CEP72: variants seen among roughly 807,000 people sequenced by gnomAD.
The protein encoded by CEP72 is centrosomal protein 72.
In CEP72, 78 loss-of-function variants were observed where a neutral mutation model predicts 65.7. That is an observed-to-expected ratio of 1.19 (90% CI 0.99 to 1.43). The LOEUF (loss-of-function observed/expected upper bound fraction) is 1.43. Ranked by LOEUF, CEP72 falls within the 40% of genes most tolerant of loss-of-function variation. CEP72 has a pLI of 0.00. For missense variants in CEP72, 914 were observed against 832.9 expected, an observed-to-expected ratio of 1.10 and a Z score of -1.20; for synonymous variants, 358 against 351.7, an observed-to-expected ratio of 1.02 and a Z score of -0.20.
chr5:618,405 C>T (rs899311630), intron 1 of CEP72, among the ~76,000 whole-genome samples: 1 of 102,046 alleles, frequency 9.8e-6, no homozygotes, highest in African/African-American at 3.6e-5. Context: ...GGGATTTATT[C>T]CACAATAGGA....
chr5:642,380 C>G (rs1019707041), intron 9 of CEP72: 10 of 985,332 alleles, frequency 1.0e-5, no homozygotes, highest in African/African-American at 5.2e-5. Flanking sequence ...TATTTAAACA[C>G]GTGTGGCCCC....
downstream of CEP72, chr5:659,892 T>A (rs975020866): frequency 2.0e-5 from 3 of 152,402 alleles, no homozygotes; most frequent in African/African-American, 7.2e-5. Context: ...TTTGTCACTT[T>A]ACCAACTTGA....
chr5:646,040 C>T (rs992994615), intron 10 of CEP72, among the ~76,000 whole-genome samples: 1 of 150,714 alleles, frequency 6.6e-6, no homozygotes, highest in Non-Finnish European at 1.5e-5. Flanking sequence ...CCTGTGTGGA[C>T]AGTGAATTCG....
downstream of CEP72, among the ~76,000 whole-genome samples, chr5:670,131 C>G (rs1740160324): frequency 6.6e-6 from 1 of 152,186 alleles, no homozygotes; most frequent in African/African-American, 2.4e-5. Context: ...GGGACCCGGC[C>G]TGGGGCCTCC....
intron 7 of CEP72, among the ~76,000 whole-genome samples, chr5:638,176 A>G (rs1370150227): frequency 2.0e-5 from 3 of 152,138 alleles, no homozygotes; most frequent in Non-Finnish European, 4.4e-5. Flanking sequence ...CCCGTGGTGG[A>G]GAGAGGGGAC....
chr5:639,161 T>C lies in CEP72; in HGVS notation c.1279T>C (p.Leu427=). 6.2e-7 allele frequency: 1 copy of C among 1,611,656 alleles called. No individual in the cohort carries two copies. The highest frequency in any genetic ancestry group is 8.5e-7 in the Non-Finnish European group (1 of 1,178,708). The change falls in exon 8 of 12, where the codon TTG becomes CTG. Residue 427 remains leucine (L), a synonymous_variant. Coordinates refer to ENST00000264935, the MANE Select transcript of CEP72 (RefSeq NM_018140.4). ...ALQAALLETL[L]DLVDRSWGGC... ...GCAGGCGGCGCTCCTGGAGACGCTC[T>C]TGGACCTGGTGGACAGGAGCTGGGG...
intron 2 of CEP72, chr5:664,930 G>A (rs1209986502): frequency 5.8e-6 from 4 of 692,796 alleles, no homozygotes; most frequent in Non-Finnish European, 9.5e-6. Flanking sequence ...AGTGCTGGGG[G>A]CATCCGGTAG....
At chr5:656,161 G>C (rs1205366962), downstream of CEP72, among the ~76,000 whole-genome samples, 1 of 152,184 alleles carries the variant, frequency 6.6e-6, no homozygotes, top group African/African-American at 2.4e-5. Context: ...AGTCCCGGCT[G>C]CTGAAGATTC....
intron 7 of CEP72, among the ~76,000 whole-genome samples, chr5:638,534 G>A (rs563903718): frequency 1.3e-5 from 2 of 151,770 alleles, no homozygotes; most frequent in South Asian, 2.1e-4. Flanking sequence ...CATGGCCGGA[G>A]CTAGAGGCAG....
rs1561060561 is a variant in CEP72 at position 648,193 on chromosome 5, CG to C, written c.1778+278del. The stretch of plus-strand genomic sequence containing the variant: ...GAGGTCTGACCATGAGGTGTGACCA[CG>C]AGGCATGGACTGTGAGATGGGACTG... On this transcript the variant is annotated intron_variant, in intron 11 of 11. Coordinates refer to ENST00000264935, the MANE Select transcript of CEP72 (RefSeq NM_018140.4). Among the ~76,000 whole-genome samples, 920 of 151,842 alleles carry C rather than the reference CG, an allele frequency of 6.1e-3. 4 individuals are homozygous for C. Among genetic ancestry groups the C allele is most frequent in the African/African-American group, 0.021 (873 of 41,300 alleles).
intron 1 of CEP72, chr5:662,104 A>T (rs1224466053): frequency 6.6e-6 from 1 of 152,390 alleles, no homozygotes; most frequent in Non-Finnish European, 1.5e-5. Flanking sequence ...TTTCTCTCTC[A>T]GAGTGAAGGG....
intron 9 of CEP72, chr5:641,321 C>T (rs1355848912): frequency 8.1e-6 from 8 of 985,328 alleles, no homozygotes; most frequent in African/African-American, 1.7e-5. Context: ...GCAGAAGCCG[C>T]CCTCCGGGAG....
Position 620,562 on chromosome 5 carries a change from C to G in CEP72, c.403+301C>G, listed in dbSNP as rs532454202. On this transcript the variant is annotated intron_variant, in intron 3 of 11. Transcript: ENST00000264935. ...GGCTCTCCGCGTCATGGCTGTTGGACTTGGGCACGTTCCTGAACATCTCCT... is the reference window on the plus strand; with the variant it reads ...GGCTCTCCGCGTCATGGCTGTTGGAGTTGGGCACGTTCCTGAACATCTCCT... 2.6e-5 allele frequency among the ~76,000 whole-genome samples: 4 copies of G among 152,324 alleles called. No homozygotes were observed. The South Asian group carries it at 8.3e-4, about 32-fold the overall frequency.
Position 637,795 on chromosome 5 carries a change from C to T in CEP72, c.1183C>T (p.Arg395Trp), listed in dbSNP as rs201002445. The change falls in exon 7 of 12, where the codon CGG becomes TGG. Residue 395 changes from arginine to tryptophan, a missense_variant. Transcript: ENST00000264935. ...EASETEEQRS[R>W]GVTDTREPSP... ...CTCGGAGACTGAGGAGCAGAGGTCTCGGGGTGTGACCGACACCAGAGAGGT... is the reference window on the plus strand; with the variant it reads ...CTCGGAGACTGAGGAGCAGAGGTCTTGGGGTGTGACCGACACCAGAGAGGT... 4.9e-4 allele frequency: 784 copies of T among 1,584,056 alleles called. 2 individuals are homozygous for T. The highest frequency in any genetic ancestry group is 6.1e-4 in the Non-Finnish European group (712 of 1,163,340).
At chr5:621,981 C>T (rs997485549) in intron 3 of CEP72, among the ~76,000 whole-genome samples, 3 of 152,196 alleles carry the variant, frequency 2.0e-5, no homozygotes, top group Non-Finnish European at 4.4e-5. Context: ...GCCATGTTGG[C>T]CAGGCTGGTT....
At chr5:638,400 G>T (rs1737766892) in intron 7 of CEP72, among the ~76,000 whole-genome samples, 1 of 152,160 alleles carries the variant, frequency 6.6e-6, no homozygotes, top group South Asian at 2.1e-4. Context: ...GTAGACATGA[G>T]TGCAGACCAC....
Position 643,763 on chromosome 5 carries a change from G to A in CEP72, c.1540-536G>A, listed in dbSNP as rs185120420. 437 of 634,094 alleles carry A rather than the reference G, an allele frequency of 6.9e-4. 3 individuals are homozygous for A. The African/African-American group carries it at 8.3e-3, about 12-fold the overall frequency. 39.3% of individuals were successfully genotyped at this position (634,094 alleles called of 1,614,324 possible). On this transcript the variant is annotated intron_variant, in intron 9 of 11. Coordinates refer to ENST00000264935, the MANE Select transcript of CEP72 (RefSeq NM_018140.4). ...CACCCTGGGGCCAGGGAGGGGCAGA[G>A]GCTGCCGTGTAGCTGCAGGCGTGGC...
chr5:650,731 C>T (rs1209347381), intron 11 of CEP72, among the ~76,000 whole-genome samples: 822 of 7,148 alleles, frequency 0.11, no homozygotes, highest in Admixed American at 0.12. Flanking sequence ...GACTGTGAGG[C>T]GTGGACTGTG....
downstream of CEP72, among the ~76,000 whole-genome samples, chr5:670,147 C>A (rs1227432511): frequency 1.3e-5 from 2 of 152,200 alleles, no homozygotes; most frequent in African/African-American, 4.8e-5. Flanking sequence ...CCTCCAGGAG[C>A]TGGGCTCAGG....
Sources: allele counts gnomAD v4.1 joint callset (sites outside exome capture counted in the v4.1 genomes callset), GRCh38; gene constraint gnomAD v4.1.1; transcripts MANE v1.5; gene names NCBI Gene and HGNC (gene_info 2026-07-23, HGNC 2026-07-21).